ADAMTSL3: variants seen among roughly 807,000 people sequenced by gnomAD.
ADAMTSL3 encodes the protein ADAMTS like 3, also known as ADAMTS-like protein 3.
In ADAMTSL3, 128 loss-of-function variants were observed where a neutral mutation model predicts 201.7. The observed-to-expected ratio is 0.63, with a 90% CI of 0.55 to 0.73. The LOEUF is 0.73. Ranked by LOEUF, ADAMTSL3 falls within the 30% of genes least tolerant of loss-of-function variation. The pLI, the probability that ADAMTSL3 is intolerant of heterozygous loss-of-function variation, is 0.00. For synonymous variants in ADAMTSL3, 738 were observed against 748.4 expected, an observed-to-expected ratio of 0.99 and a Z score of 0.23; for missense variants, 1,990 against 2,119.6, an observed-to-expected ratio of 0.94 and a Z score of 1.20.
intron 23 of ADAMTSL3, among the ~76,000 whole-genome samples, chr15:84,001,925 G>A (rs373250155): frequency 3.2e-4 from 49 of 152,332 alleles, no homozygotes; most frequent in African/African-American, 1.2e-3. Context: ...GCACTGTCTG[G>A]TAGTGACTAT....
chr15:83,837,756 C>A (rs575011546), intron 6 of ADAMTSL3, among the ~76,000 whole-genome samples: 1 of 151,206 alleles, frequency 6.6e-6, no homozygotes, highest in South Asian at 2.1e-4. Context: ...GAGCCACAAT[C>A]CCACTATTGC....
chr15:83,950,104 C>A (rs546246694), intron 19 of ADAMTSL3, among the ~76,000 whole-genome samples: 1 of 152,022 alleles, frequency 6.6e-6, no homozygotes, highest in African/African-American at 2.4e-5. Flanking sequence ...TGAAAAGTTT[C>A]CCCAACGTTT....
intron 17 of ADAMTSL3, among the ~76,000 whole-genome samples, chr15:83,938,068 T>G (rs573949975): frequency 1.4e-5 from 2 of 147,500 alleles, no homozygotes; most frequent in African/African-American, 5.4e-5. Flanking sequence ...CTAAAAAAGT[T>G]TATTGACTAT....
At chr15:83,895,775 A>T (rs186419469) in intron 13 of ADAMTSL3, among the ~76,000 whole-genome samples, 2 of 26,252 alleles carry the variant, frequency 7.6e-5, no homozygotes, top group East Asian at 3.0e-3. Context: ...ACTCAATATT[A>T]TATATATATA....
intron 2 of ADAMTSL3, among the ~76,000 whole-genome samples, chr15:83,683,174 G>A (rs1452352950): frequency 6.6e-6 from 1 of 152,202 alleles, no homozygotes; most frequent in Non-Finnish European, 1.5e-5. Flanking sequence ...GACCTTCTGT[G>A]TGCAGCCATG....
intron 6 of ADAMTSL3, among the ~76,000 whole-genome samples, chr15:83,834,960 C>T (rs1038366208): frequency 1.8e-4 from 27 of 152,254 alleles, no homozygotes; most frequent in Middle Eastern, 3.4e-3. Flanking sequence ...TTGGGCCGGG[C>T]GCTGTGGTTC....
At chr15:83,719,454 C>T (rs1292958213) in intron 3 of ADAMTSL3, among the ~76,000 whole-genome samples, 3 of 152,162 alleles carry the variant, frequency 2.0e-5, no homozygotes, top group Non-Finnish European at 2.9e-5. Context: ...TACGACAACA[C>T]TCTTTATGAC....
chr15:83,663,473 C>G (rs568268436), intron 2 of ADAMTSL3, among the ~76,000 whole-genome samples: 7 of 152,318 alleles, frequency 4.6e-5, no homozygotes, highest in African/African-American at 1.7e-4. Flanking sequence ...CTCGTGTTTA[C>G]CATCAGACAC....
chr15:83,690,533 A>G (rs886854131), intron 2 of ADAMTSL3, among the ~76,000 whole-genome samples: 1 of 152,098 alleles, frequency 6.6e-6, no homozygotes, highest in African/African-American at 2.4e-5. Flanking sequence ...TGTTCTTTAC[A>G]TCTCAGCTTT....
rs551998921 is a variant in ADAMTSL3, at chr15:84,019,930, G to A, written c.4274-1480G>A. Among the ~76,000 whole-genome samples, 5 of 149,754 alleles carry A rather than the reference G, an allele frequency of 3.3e-5. No individual in the cohort carries two copies. In the South Asian group the frequency reaches 1.1e-3, roughly 32 times the overall value. On this transcript the variant is annotated intron_variant, in intron 25 of 29. Transcript: ENST00000286744. ...AAAAAAAGAAACCAAATACACAAGA[G>A]TACATATTATATGAAGTACAAGAAT...
At chr15:83,974,152 A>G (rs1300250310) in intron 20 of ADAMTSL3, among the ~76,000 whole-genome samples, 2 of 152,208 alleles carry the variant, frequency 1.3e-5, no homozygotes, top group African/African-American at 2.4e-5. Flanking sequence ...TGAAGGGTCA[A>G]CACAAACCCT....
chr15:83,766,650 G>T (rs574134748), intron 3 of ADAMTSL3, among the ~76,000 whole-genome samples: 1 of 152,276 alleles, frequency 6.6e-6, no homozygotes, highest in South Asian at 2.1e-4. Context: ...GCATCAGTGG[G>T]GAAAACACAC....
At chr15:83,832,708 A>G (rs1379846025) in intron 6 of ADAMTSL3, among the ~76,000 whole-genome samples, 2 of 152,106 alleles carry the variant, frequency 1.3e-5, no homozygotes, top group African/African-American at 2.4e-5. Flanking sequence ...GATGTGAGCC[A>G]TAATGACTAC....
intron 28 of ADAMTSL3, among the ~76,000 whole-genome samples, chr15:84,035,903 A>G (rs1053987533): frequency 8.5e-5 from 13 of 152,058 alleles, no homozygotes; most frequent in African/African-American, 1.4e-4. Context: ...GTTTTTTTCT[A>G]TATTTCTGGC....
intron 2 of ADAMTSL3, among the ~76,000 whole-genome samples, chr15:83,698,267 G>A (rs1002281086): frequency 6.6e-6 from 1 of 152,008 alleles, no homozygotes; most frequent in Non-Finnish European, 1.5e-5. Context: ...TGTAGATCAA[G>A]GTCTAGAATG....
chr15:83,863,331 C>G (rs953341390), intron 8 of ADAMTSL3, among the ~76,000 whole-genome samples: 1 of 152,130 alleles, frequency 6.6e-6, no homozygotes, highest in Non-Finnish European at 1.5e-5. Flanking sequence ...TTTTCAGCAC[C>G]ACACCACACC....
intron 6 of ADAMTSL3, among the ~76,000 whole-genome samples, chr15:83,824,219 T>A (rs1189655811): frequency 6.6e-6 from 1 of 151,840 alleles, no homozygotes; most frequent in Non-Finnish European, 1.5e-5. Flanking sequence ...AGTTTTTTGC[T>A]TGATTTTTGT....
intron 3 of ADAMTSL3, among the ~76,000 whole-genome samples, chr15:83,752,065 T>A (rs1353266751): frequency 6.6e-6 from 1 of 152,196 alleles, no homozygotes; most frequent in Non-Finnish European, 1.5e-5. Context: ...TGGCTACTGA[T>A]GCAATTGAAG....
intron 17 of ADAMTSL3, among the ~76,000 whole-genome samples, chr15:83,925,505 A>G (rs918398387): frequency 6.6e-6 from 1 of 152,144 alleles, no homozygotes; most frequent in Non-Finnish European, 1.5e-5. Context: ...TCCCACCCCC[A>G]GGTTTACAGC....
Sources: gnomAD v4.1 joint callset for allele counts (sites outside exome capture counted in the v4.1 genomes callset) on GRCh38, gnomAD v4.1.1 for gene constraint, MANE v1.5 for transcripts, NCBI Gene and HGNC (gene_info 2026-07-23, HGNC 2026-07-21) for gene names.